The following GRID2 variants were observed in gnomAD, a reference collection of about 807,000 sequenced individuals.
GRID2 encodes the protein glutamate ionotropic receptor delta type subunit 2.
Under a neutral mutation model 114.8 loss-of-function variants are expected in GRID2, and 33 were observed. That is an observed-to-expected ratio of 0.29 (90% CI 0.22 to 0.38). The LOEUF (loss-of-function observed/expected upper bound fraction) is 0.38, where lower values mean the gene tolerates loss of function less well. Among genes scored for constraint, GRID2 ranks in the 10% least tolerant of loss-of-function variants. GRID2 has a pLI of 1.00. For missense variants in GRID2, 1,184 were observed against 1,257.7 expected (o/e 0.94, Z 0.89); for synonymous variants, 505 against 449.9 (o/e 1.12, Z -1.55).
At chr4:92,887,242 T>C (rs984064555) in intron 2 of GRID2, among the ~76,000 whole-genome samples, 4 of 152,320 alleles carry the variant, frequency 2.6e-5, no homozygotes, top group Admixed American at 2.0e-4. Context: ...TCAGTATCCT[T>C]ACATAGGACA....
intron 8 of GRID2, among the ~76,000 whole-genome samples, chr4:93,251,640 C>T (rs1219266511): frequency 6.6e-6 from 1 of 151,840 alleles, no homozygotes; most frequent in Non-Finnish European, 1.5e-5. Flanking sequence ...AGTTATTTTT[C>T]TTGATCTTCT....
chr4:92,771,090 G>C (rs1738521267), intron 2 of GRID2, among the ~76,000 whole-genome samples: 1 of 151,812 alleles, frequency 6.6e-6, no homozygotes, highest in South Asian at 2.1e-4. Flanking sequence ...AAGTCTCTGA[G>C]CAGTCCTTGA....
At chr4:92,749,310 C>CTATTTTTTTTTT (rs1295067924) in intron 2 of GRID2, among the ~76,000 whole-genome samples, 4 of 72,028 alleles carry the variant, frequency 5.6e-5, no homozygotes, top group Non-Finnish European at 9.6e-5. Flanking sequence ...TGATTTGTAG[C>CTATTTTTTTTTT]TTTTTTTTTT....
chr4:93,158,688 T>A (rs545868294), intron 4 of GRID2, among the ~76,000 whole-genome samples: 1 of 151,848 alleles, frequency 6.6e-6, no homozygotes, highest in Admixed American at 6.6e-5. Context: ...AGCTCTGGAG[T>A]TCGAGTTTGG....
rs200473075 is a variant in GRID2, at chr4:92,677,005, T to TA, written c.244+86728dup. On this transcript the variant is annotated intron_variant, in intron 2 of 15. Coordinates refer to ENST00000282020, the MANE Select transcript of GRID2 (RefSeq NM_001510.4). The stretch of plus-strand genomic sequence containing the variant: ...TTAATCTTGAAGACATTATGCTAAA[T>TA]AAAAAAAAATCACAGAAAGACAAAT... Among the ~76,000 whole-genome samples, 713 of 151,588 alleles carry TA rather than the reference T, an allele frequency of 4.7e-3. 7 individuals are homozygous for TA. The highest frequency in any genetic ancestry group is 0.014 in the African/African-American group (564 of 41,376).
chr4:92,825,900 C>T (rs550822241), intron 2 of GRID2, among the ~76,000 whole-genome samples: 1 of 152,188 alleles, frequency 6.6e-6, no homozygotes, highest in South Asian at 2.1e-4. Flanking sequence ...TATTAAATGT[C>T]CTAACTGCTT....
chr4:92,706,937 C>G (rs1025454376), intron 2 of GRID2, among the ~76,000 whole-genome samples: 2 of 151,938 alleles, frequency 1.3e-5, no homozygotes, highest in African/African-American at 4.8e-5. Context: ...TTTTAGTCAC[C>G]AATTCGACAT....
chr4:93,271,874 T>C (rs1248271102), intron 8 of GRID2, among the ~76,000 whole-genome samples: 2 of 152,192 alleles, frequency 1.3e-5, no homozygotes, highest in African/African-American at 4.8e-5. Context: ...AATAATTACA[T>C]TTTATGTCTT....
At chr4:92,311,505 A>G (rs1043701441) in intron 1 of GRID2, among the ~76,000 whole-genome samples, 2 of 152,122 alleles carry the variant, frequency 1.3e-5, no homozygotes, top group Non-Finnish European at 2.9e-5. Context: ...GTTCCTTATT[A>G]ACAGATTTTT....
chr4:93,107,248 G>T (rs550320548), intron 3 of GRID2, among the ~76,000 whole-genome samples: 69 of 152,242 alleles, frequency 4.5e-4, no homozygotes, highest in African/African-American at 1.7e-3. Context: ...GCAATGAGCT[G>T]ATGTCATGCC....
intron 1 of GRID2, among the ~76,000 whole-genome samples, chr4:92,415,810 A>G (rs1237278423): frequency 2.3e-5 from 3 of 131,876 alleles, no homozygotes; most frequent in Non-Finnish European, 4.7e-5. Context: ...TCATTGGTTG[A>G]TGGTCATAGT....
chr4:93,249,383 A>G (rs1748578427), intron 8 of GRID2, among the ~76,000 whole-genome samples: 1 of 152,136 alleles, frequency 6.6e-6, no homozygotes, highest in Admixed American at 6.6e-5. Flanking sequence ...ATGAAAATTA[A>G]AGTAGTTTTT....
At chr4:92,997,922 T>A (rs1755303313) in intron 2 of GRID2, among the ~76,000 whole-genome samples, 1 of 152,082 alleles carries the variant, frequency 6.6e-6, no homozygotes, top group African/African-American at 2.4e-5. Flanking sequence ...ATTACTCACA[T>A]ATCGTGAATT....
At chr4:92,321,752 A>G (rs1356349908) in intron 1 of GRID2, among the ~76,000 whole-genome samples, 42 of 152,174 alleles carry the variant, frequency 2.8e-4, no homozygotes, top group Admixed American at 2.8e-3. Context: ...GACCCAGTCA[A>G]AAATTGTGAT....
intron 2 of GRID2, among the ~76,000 whole-genome samples, chr4:92,717,511 A>C (rs1223403583): frequency 6.6e-6 from 1 of 152,200 alleles, no homozygotes; most frequent in African/African-American, 2.4e-5. Context: ...CATTTAGTTA[A>C]AGCACCATAT....
intron 9 of GRID2, among the ~76,000 whole-genome samples, chr4:93,397,714 C>G (rs763442397): frequency 6.6e-6 from 1 of 151,766 alleles, no homozygotes; most frequent in African/African-American, 2.4e-5. Context: ...AACCCCCACA[C>G]CAAAATCTGC....
chr4:93,017,771 G>A (rs1722891939), intron 2 of GRID2, among the ~76,000 whole-genome samples: 2 of 141,454 alleles, frequency 1.4e-5, no homozygotes, highest in Admixed American at 7.4e-5. Context: ...CTCCAGCCAG[G>A]ACTCCAGCCA....
chr4:93,296,402 A>C (rs1358756589), intron 8 of GRID2, among the ~76,000 whole-genome samples: 1 of 150,172 alleles, frequency 6.7e-6, no homozygotes, highest in African/African-American at 2.5e-5. Flanking sequence ...TTATGGTTCC[A>C]CATGGTATCT....
chr4:93,463,850 G>A (rs902966024), intron 11 of GRID2, among the ~76,000 whole-genome samples: 10 of 151,934 alleles, frequency 6.6e-5, no homozygotes, highest in Admixed American at 1.3e-4. Context: ...TTAGCCAGGC[G>A]TGGTGGCGGG....
Sources: allele counts gnomAD v4.1 joint callset (sites outside exome capture counted in the v4.1 genomes callset), GRCh38; gene constraint gnomAD v4.1.1; transcripts MANE v1.5; gene names NCBI Gene and HGNC (gene_info 2026-07-23, HGNC 2026-07-21).